NEMP2: variants seen among roughly 807,000 people sequenced by gnomAD.
The protein encoded by NEMP2 is nuclear envelope integral membrane protein 2, also known as UPF0571 transmembrane protein.
NEMP2 carries 53 observed loss-of-function variants against 54.2 expected under a neutral mutation model. The observed-to-expected ratio is 0.98, with a 90% CI of 0.78 to 1.23. The LOEUF is 1.23. NEMP2 is among the 50% of genes most tolerant of loss of function. NEMP2 has a pLI of 0.00. For missense variants in NEMP2, 455 were observed against 511.3 expected (o/e 0.89, Z 1.06); for synonymous variants, 197 against 190.3 (o/e 1.04, Z -0.29).
chr2:190,565,490 G>T, the NEMP2 span, among the ~76,000 whole-genome samples: 1 of 152,208 alleles, frequency 6.6e-6, no homozygotes, highest in Non-Finnish European at 1.5e-5. Flanking sequence ...TGAGAGTTCA[G>T]AACATTTATT....
chr2:190,633,994 C>T, the NEMP2 span, among the ~76,000 whole-genome samples: 1 of 152,086 alleles, frequency 6.6e-6, no homozygotes, highest in Non-Finnish European at 1.5e-5. Flanking sequence ...ATCGCTTGAA[C>T]CCAGGAGTTT....
the NEMP2 span, among the ~76,000 whole-genome samples, chr2:190,590,702 T>G: frequency 6.6e-6 from 1 of 152,188 alleles, no homozygotes; most frequent in Non-Finnish European, 1.5e-5. The surrounding 1 kb of genome is among the most constrained non-coding windows in gnomAD (Gnocchi z 5.1). Context: ...GCCCAAATAT[T>G]CCTGGGCATG....
At chr2:190,595,872 C>T in the NEMP2 span, among the ~76,000 whole-genome samples, 2 of 152,142 alleles carry the variant, frequency 1.3e-5, no homozygotes, top group African/African-American at 2.4e-5. This position sits in a 1 kb window ranked among gnomAD's most constrained non-coding sequence, Gnocchi z 4.0. Flanking sequence ...CCAGAAATAT[C>T]ATTTGAACCA....
the NEMP2 span, chr2:190,437,330 A>G: frequency 2.5e-6 from 4 of 1,614,106 alleles, no homozygotes; most frequent in Admixed American, 6.7e-5. The surrounding 1 kb of genome is among the most constrained non-coding windows in gnomAD (Gnocchi z 5.9). Flanking sequence ...CAGGCCTTCA[A>G]CTTTTGGGAC....
chr2:190,469,944 A>C, the NEMP2 span: 1 of 870,518 alleles, frequency 1.1e-6, no homozygotes, highest in Non-Finnish European at 1.8e-6. The surrounding 1 kb of genome is among the most constrained non-coding windows in gnomAD (Gnocchi z 5.3). Flanking sequence ...TGATTCTATA[A>C]AGGAAGGGCA....
chr2:190,454,786 AT>A, the NEMP2 span, among the ~76,000 whole-genome samples: 3 of 152,190 alleles, frequency 2.0e-5, no homozygotes, highest in Non-Finnish European at 4.4e-5. The surrounding 1 kb of genome is among the most constrained non-coding windows in gnomAD (Gnocchi z 4.6). Flanking sequence ...TGAGGCAGGT[AT>A]AGAGGGATGG....
At chr2:190,430,442 C>T in the NEMP2 span, among the ~76,000 whole-genome samples, 2 of 151,382 alleles carry the variant, frequency 1.3e-5, no homozygotes, top group Admixed American at 1.3e-4. Context: ...ATCTGTTTAA[C>T]AAAGCACATC....
chr2:190,562,547 T>C, the NEMP2 span, among the ~76,000 whole-genome samples: 4 of 152,236 alleles, frequency 2.6e-5, no homozygotes, highest in Admixed American at 2.6e-4. The surrounding 1 kb of genome is among the most constrained non-coding windows in gnomAD (Gnocchi z 5.0). Flanking sequence ...GATCAGACTT[T>C]ACAGATTTCC....
the NEMP2 span, among the ~76,000 whole-genome samples, chr2:190,602,883 A>C: frequency 2.0e-5 from 3 of 152,188 alleles, no homozygotes; most frequent in Non-Finnish European, 4.4e-5. Context: ...GGTGGGAAGG[A>C]AGAGGGAGCA....
intron 2 of NEMP2, among the ~76,000 whole-genome samples, chr2:190,524,744 A>G (rs958635311): frequency 7.9e-5 from 12 of 152,230 alleles, no homozygotes; most frequent in African/African-American, 2.9e-4. Flanking sequence ...TAATGTAAAT[A>G]TCCACAATGG....
chr2:190,431,734 G>A, the NEMP2 span, among the ~76,000 whole-genome samples: 1 of 152,058 alleles, frequency 6.6e-6, no homozygotes, highest in Non-Finnish European at 1.5e-5. This position sits in a 1 kb window ranked among gnomAD's most constrained non-coding sequence, Gnocchi z 4.4. Context: ...GGGAGGGAGA[G>A]GGAGAGGGAG....
At position 190,514,444 on chromosome 2, in the gene NEMP2, G is replaced by T; in HGVS notation, c.953+9C>A. The T allele has an allele frequency of 2.7e-5, 42 of 1,547,476 alleles. No individual in the cohort carries two copies. The highest frequency in any genetic ancestry group is 3.5e-5 in the Non-Finnish European group (40 of 1,144,740). ...GTCAAATTTGCTGGGGGAAAAAAAT[G>T]ATACATACCACCTCATATAACTGCA... On this transcript the variant is annotated intron_variant, in intron 7 of 8. Transcript: ENST00000409150. This position sits in a 1 kb window ranked among gnomAD's most constrained non-coding sequence, Gnocchi z 5.7.
Position 190,509,051 on chromosome 2 carries a change from C to A in NEMP2, c.*138G>T. The A allele has an allele frequency of 7.3e-7, 1 of 1,362,040 alleles. No individual in the cohort carries two copies. The highest frequency in any genetic ancestry group is 9.7e-7 in the Non-Finnish European group (1 of 1,027,778). The allele number at this position is 1,362,040 out of a possible 1,614,324, so 84.4% of individuals were successfully genotyped here. Reference sequence around the variant, plus strand: ...TTATCTTCAAAATGGGTTGGTTTCCCTTTCCAGACTGACTTGTTTTTCTCC... The same window carrying A: ...TTATCTTCAAAATGGGTTGGTTTCCATTTCCAGACTGACTTGTTTTTCTCC... On this transcript the variant is annotated 3_prime_UTR_variant, in exon 9 of 9. Coordinates refer to ENST00000409150, the MANE Select transcript of NEMP2 (RefSeq NM_001142645.2). This position sits in a 1 kb window ranked among gnomAD's most constrained non-coding sequence, Gnocchi z 6.1.
the NEMP2 span, among the ~76,000 whole-genome samples, chr2:190,452,237 A>G: frequency 6.6e-6 from 1 of 152,184 alleles, no homozygotes; most frequent in Non-Finnish European, 1.5e-5. Context: ...CCTGAGAGAC[A>G]GAGCCAGACT....
intron 1 of NEMP2, 37 bp downstream of exon 1, chr2:190,534,522 A>C: frequency 2.2e-6 from 3 of 1,368,294 alleles, no homozygotes; most frequent in Non-Finnish European, 2.8e-6. Context: ...GGGAGCGAGC[A>C]CGCACGCGCG....
the NEMP2 span, among the ~76,000 whole-genome samples, chr2:190,482,331 T>G: frequency 1.3e-5 from 2 of 152,054 alleles, no homozygotes; most frequent in African/African-American, 4.8e-5. Context: ...GCCTGCCCAA[T>G]GGAGGCCTTT....
chr2:190,620,030 T>C, the NEMP2 span, among the ~76,000 whole-genome samples: 2 of 152,214 alleles, frequency 1.3e-5, no homozygotes, highest in Admixed American at 1.3e-4. This position sits in a 1 kb window ranked among gnomAD's most constrained non-coding sequence, Gnocchi z 4.9. Flanking sequence ...AAATCGATGC[T>C]GTATCATCAT....
chr2:190,537,531 T>C (rs1298744245), upstream of NEMP2, among the ~76,000 whole-genome samples: 1 of 152,226 alleles, frequency 6.6e-6, no homozygotes, highest in Non-Finnish European at 1.5e-5. Context: ...ATTGTAAGTT[T>C]CCTGAGGCCT....
At chr2:190,518,176 A>G (rs769008054) in intron 4 of NEMP2, among the ~76,000 whole-genome samples, 9 of 152,246 alleles carry the variant, frequency 5.9e-5, no homozygotes, top group Admixed American at 2.0e-4. Flanking sequence ...TAAAATATTG[A>G]AAAAAAGATT....
Sources: gnomAD v4.1 joint callset for allele counts (sites outside exome capture counted in the v4.1 genomes callset) on GRCh38, gnomAD v4.1.1 for gene constraint, Gnocchi (gnomAD v3.1) non-coding constraint, MANE v1.5 for transcripts, NCBI Gene and HGNC (gene_info 2026-07-23, HGNC 2026-07-21) for gene names.